TRIM3: variants seen among roughly 807,000 people sequenced by gnomAD.
The protein encoded by TRIM3 is tripartite motif containing 3.
A neutral mutation model predicts 66.6 loss-of-function variants in TRIM3; 13 were observed. The ratio of observed to expected loss-of-function variants is 0.20; its 90% CI spans 0.13 to 0.31. The LOEUF (loss-of-function observed/expected upper bound fraction) is 0.31, where lower values mean the gene tolerates loss of function less well. Ranked by LOEUF, TRIM3 falls within the 10% of genes least tolerant of loss-of-function variation. The pLI, the probability that TRIM3 is intolerant of heterozygous loss-of-function variation, is 1.00. For missense variants in TRIM3, 711 were observed against 1,020.4 expected (o/e 0.70, Z 4.13); for synonymous variants, 406 against 411.7 (o/e 0.99, Z 0.17).
rs746540613 is a variant in TRIM3, at chr11:6,456,565, C to T, written c.1161G>A (p.Glu387=). ...PVVDHKNGTY[E]LVYTARTEGE... ...CTTCCGTGCGCGCTGTGTACACTAGCTCATATGTGCCATTCTTGTGGTCCA... is the reference window on the plus strand; with the variant it reads ...CTTCCGTGCGCGCTGTGTACACTAGTTCATATGTGCCATTCTTGTGGTCCA... The change falls in exon 6 of 12, where the codon GAG becomes GAA. Residue 387 remains glutamate (E), a synonymous_variant. Coordinates refer to ENST00000345851, the MANE Select transcript of TRIM3 (RefSeq NM_033278.4). The surrounding 1 kb of genome is among the most constrained non-coding windows in gnomAD (Gnocchi z 6.4). 6.8e-6 allele frequency: 11 copies of T among 1,612,744 alleles called. No homozygotes were observed. Among genetic ancestry groups the T allele is most frequent in the Non-Finnish European group, 9.3e-6 (11 of 1,179,728 alleles).
At chr11:6,462,493 C>A (rs1232281302) in intron 2 of TRIM3, among the ~76,000 whole-genome samples, 1 of 152,078 alleles carries the variant, frequency 6.6e-6, no homozygotes, top group Non-Finnish European at 1.5e-5. Context: ...CTGCAGCCTC[C>A]ACCTCCCAGG....
chr11:6,456,815 C>A lies in TRIM3; in HGVS notation c.911G>T (p.Gly304Val), dbSNP rs1850012256. 6.2e-7 allele frequency: 1 copy of A among 1,612,896 alleles called. No individual in the cohort carries two copies. The highest frequency in any genetic ancestry group is 8.5e-7 in the Non-Finnish European group (1 of 1,179,972). Reference protein sequence around the residue: ...AQLELVLEVDGLRRSVLNLGA... With the variant: ...AQLELVLEVDVLRRSVLNLGA... ...CAGATTGAGCACCGATCGCCGCAGA[C>A]CGTCCACCTCAAGGACCAGTTCCAG... The change falls in exon 6 of 12, where the codon GGT (glycine) becomes GTT (valine). Residue 304 changes from glycine (G) to valine (V), a missense_variant. By Grantham distance (109) the Gly-to-Val change is moderately radical. Around this residue, in one of 3 missense-constraint regions of TRIM3, gnomAD observed 399 missense variants for 458.1 expected, o/e 0.87. Transcript: ENST00000345851. The surrounding 1 kb of genome is among the most constrained non-coding windows in gnomAD (Gnocchi z 6.4).
chr11:6,455,759 AG>A (rs1218778414), intron 7 of TRIM3, among the ~76,000 whole-genome samples: 3 of 152,234 alleles, frequency 2.0e-5, no homozygotes, highest in African/African-American at 7.2e-5. Flanking sequence ...GAGAGGCAGA[AG>A]GAAAGGAGGA....
In TRIM3 at chr11:6,457,162, C is replaced by A; in HGVS notation, c.697-133G>T. On this transcript the variant is annotated intron_variant, in intron 5 of 11. Transcript: ENST00000345851. This position sits in a 1 kb window ranked among gnomAD's most constrained non-coding sequence, Gnocchi z 4.5. The stretch of plus-strand genomic sequence containing the variant: ...ACAGAGGACACAGATGCCCACAGCA[C>A]CTACCGAGGGCATGTCAGGAGGCAG... 2 of 1,504,830 alleles carry A rather than the reference C, an allele frequency of 1.3e-6. No individual in the cohort carries two copies. Among genetic ancestry groups the A allele is most frequent in the Non-Finnish European group, 1.8e-6 (2 of 1,113,414 alleles). The allele number at this position is 1,504,830 out of a possible 1,614,324, so 93.2% of individuals were successfully genotyped here. A position where few individuals can be genotyped will look rare whatever the true frequency, so the allele number is the denominator to read the frequency against.
In TRIM3 at chr11:6,457,517, C is replaced by CT. The variant is rs1355235377; in HGVS notation, c.516-42dup. On this transcript the variant is annotated intron_variant, in intron 4 of 11. Coordinates refer to ENST00000345851, the MANE Select transcript of TRIM3 (RefSeq NM_033278.4). The surrounding 1 kb of genome is among the most constrained non-coding windows in gnomAD (Gnocchi z 4.5). ...CTCATTCCAGAGTTGCTGAGGGTGG[C>CT]TTTGCCGAACTTTCCCTTCTCCCTG... 2 of 1,596,850 alleles carry CT rather than the reference C, an allele frequency of 1.3e-6. No individual in the cohort carries two copies. The highest frequency in any genetic ancestry group is 2.7e-5 in the African/African-American group (2 of 74,632).
At chr11:6,462,059 GCA>G (rs1455621737) in intron 2 of TRIM3, among the ~76,000 whole-genome samples, 4 of 151,964 alleles carry the variant, frequency 2.6e-5, no homozygotes, top group African/African-American at 9.7e-5. Context: ...CAAGGCCTTT[GCA>G]CAGATTTTTC....
At chr11:6,462,776 C>G (rs1474238507) in intron 2 of TRIM3, among the ~76,000 whole-genome samples, 2 of 151,914 alleles carry the variant, frequency 1.3e-5, no homozygotes, top group Non-Finnish European at 2.9e-5. Context: ...TATGGGGATA[C>G]CTGGGTGTGG....
In TRIM3 at chr11:6,458,554, T is replaced by G. The variant is rs146535285; in HGVS notation, c.132-258A>C. Among the ~76,000 whole-genome samples, 16 of 152,316 alleles carry G rather than the reference T, an allele frequency of 1.1e-4. No homozygotes were observed. The East Asian group carries it at 1.9e-3, about 18-fold the overall frequency. The stretch of plus-strand genomic sequence containing the variant: ...TCACAGTGTGCACACAGGCTCACCT[T>G]TCACAGGTGTTTACAAATGCTTCTC... On this transcript the variant is annotated intron_variant, in intron 2 of 11. Coordinates refer to ENST00000345851, the MANE Select transcript of TRIM3 (RefSeq NM_033278.4). This position sits in a 1 kb window ranked among gnomAD's most constrained non-coding sequence, Gnocchi z 6.2.
At chr11:6,461,529 T>C (rs1404031351) in intron 2 of TRIM3, among the ~76,000 whole-genome samples, 2 of 129,752 alleles carry the variant, frequency 1.5e-5, no homozygotes, top group Admixed American at 9.2e-5. Flanking sequence ...CCATCCCCCA[T>C]TGTGATTTCT....
chr11:6,473,948 G>A (rs1455761982), upstream of TRIM3: 2 of 151,732 alleles, frequency 1.3e-5, no homozygotes, highest in East Asian at 1.9e-4. Context: ...ACAGGCCGGA[G>A]GGAGGGGCCG....
intron 7 of TRIM3, among the ~76,000 whole-genome samples, chr11:6,454,828 C>T (rs929943502): frequency 4.6e-5 from 7 of 152,112 alleles, no homozygotes; most frequent in African/African-American, 1.4e-4. Flanking sequence ...AGGACCTTAG[C>T]AGAGCTGGAT....
At chr11:6,463,000 T>C (rs2134206343) in intron 2 of TRIM3, among the ~76,000 whole-genome samples, 1 of 151,302 alleles carries the variant, frequency 6.6e-6, no homozygotes, top group Middle Eastern at 3.4e-3. Context: ...AGGTCAGGAG[T>C]TCGAGACCAG....
At chr11:6,473,476 C>T (rs1388914677) in intron 1 of TRIM3, among the ~76,000 whole-genome samples, 1 of 151,918 alleles carries the variant, frequency 6.6e-6, no homozygotes, top group Non-Finnish European at 1.5e-5. Context: ...CCACTCAGCA[C>T]GCACCACCAC....
At position 6,450,372 on chromosome 11, in the gene TRIM3, C is replaced by T. The variant is rs1849670830; in HGVS notation, c.1941+179G>A. The T allele has an allele frequency of 3.2e-6, 2 of 620,032 alleles. No individual in the cohort carries two copies. Among genetic ancestry groups the T allele is most frequent in the Admixed American group, 5.5e-5 (2 of 36,330 alleles). 38.4% of individuals were successfully genotyped at this position (620,032 alleles called of 1,614,324 possible). A position where few individuals can be genotyped will look rare whatever the true frequency, so the allele number is the denominator to read the frequency against. On this transcript the variant is annotated intron_variant, in intron 10 of 11. Transcript: ENST00000345851. The surrounding 1 kb of genome is among the most constrained non-coding windows in gnomAD (Gnocchi z 4.8). The stretch of plus-strand genomic sequence containing the variant: ...CAGAATACATTTGCTTTGTGCATCA[C>T]TGTATCTCCAGCTTCTAGCATACTG...
At position 6,449,499 on chromosome 11, in the gene TRIM3, G is replaced by C; in HGVS notation, c.1942-53C>G. 1 of 1,563,932 alleles carries C rather than the reference G, an allele frequency of 6.4e-7. No individual in the cohort carries two copies. The highest frequency in any genetic ancestry group is 8.7e-7 in the Non-Finnish European group (1 of 1,148,832). On this transcript the variant is annotated intron_variant, in intron 10 of 11. Coordinates refer to ENST00000345851, the MANE Select transcript of TRIM3 (RefSeq NM_033278.4). The surrounding 1 kb of genome is among the most constrained non-coding windows in gnomAD (Gnocchi z 5.3). ...GGACCTGGCCTCAGGCAGAGGGTAG[G>C]GCTTTGGAGGAGGATAGGGTGAAGC...
chr11:6,457,144 A>G lies in TRIM3; in HGVS notation c.697-115T>C. The G allele has an allele frequency of 4.6e-6, 7 of 1,508,570 alleles. No individual in the cohort carries two copies. The highest frequency in any genetic ancestry group is 6.3e-6 in the Non-Finnish European group (7 of 1,119,128). 93.4% of individuals were successfully genotyped at this position (1,508,570 alleles called of 1,614,324 possible). A position where few individuals can be genotyped will look rare whatever the true frequency, so the allele number is the denominator to read the frequency against. On this transcript the variant is annotated intron_variant, in intron 5 of 11. Coordinates refer to ENST00000345851, the MANE Select transcript of TRIM3 (RefSeq NM_033278.4). The surrounding 1 kb of genome is among the most constrained non-coding windows in gnomAD (Gnocchi z 4.5). ...ACAAGAGGGTGCCTGTGGACAGAGGACACAGATGCCCACAGCACCTACCGA... is the reference window on the plus strand; with the variant it reads ...ACAAGAGGGTGCCTGTGGACAGAGGGCACAGATGCCCACAGCACCTACCGA...
At position 6,456,136 on chromosome 11, in the gene TRIM3, T is replaced by C. The variant is rs1256215024; in HGVS notation, c.1469A>G (p.Gln490Arg). 6.2e-7 allele frequency: 1 copy of C among 1,614,086 alleles called. No homozygotes were observed. The highest frequency in any genetic ancestry group is 2.2e-5 in the East Asian group (1 of 44,882). ...GCCGCTGCTGGCTGCGGACACACCT[T>C]GTAAATTGGTGAATTCACCTTTCTC... ...GREKGEFTNL[Q>R]GVSAASSGRI... The change falls in exon 7 of 12, where the codon CAA becomes CGA. Residue 490 changes from glutamine (Q) to arginine (R), a missense_variant. This residue lies in a region of TRIM3 where 399 missense variants were observed against 458.1 expected (regional missense o/e 0.87). Coordinates refer to ENST00000345851, the MANE Select transcript of TRIM3 (RefSeq NM_033278.4). This position sits in a 1 kb window ranked among gnomAD's most constrained non-coding sequence, Gnocchi z 6.4.
intron 1 of TRIM3, among the ~76,000 whole-genome samples, chr11:6,470,146 G>A (rs1408435240): frequency 6.6e-6 from 1 of 152,144 alleles, no homozygotes; most frequent in African/African-American, 2.4e-5. Flanking sequence ...GTACATTTTT[G>A]GCTGCTATGT....
chr11:6,465,703 A>G lies in TRIM3; in HGVS notation c.-8T>C, dbSNP rs1224619038. The G allele has an allele frequency of 1.2e-6, 2 of 1,612,558 alleles. No homozygotes were observed. Among genetic ancestry groups the G allele is most frequent in the Non-Finnish European group, 1.7e-6 (2 of 1,179,290 alleles). On this transcript the variant is annotated 5_prime_UTR_variant, in exon 2 of 12. Transcript: ENST00000345851. ...GTCCTCCCTCTTTGCCATGGCGCCC[A>G]CAGATGGCTCCCGCCACTCACACCA...
Sources: gnomAD v4.1 joint callset for allele counts (sites outside exome capture counted in the v4.1 genomes callset) on GRCh38, gnomAD v4.1.1 for gene constraint, gnomAD v4.1.1 regional missense constraint, Gnocchi (gnomAD v3.1) non-coding constraint, MANE v1.5 for transcripts, NCBI Gene and HGNC (gene_info 2026-07-23, HGNC 2026-07-21) for gene names.